Variants in CYB5RL observed in about 807,000 individuals in gnomAD.
The protein encoded by CYB5RL is NADH-cytochrome b5 reductase-like.
In CYB5RL, 38 loss-of-function variants were observed where a neutral mutation model predicts 37.5. The ratio of observed to expected loss-of-function variants is 1.01; its 90% CI spans 0.78 to 1.33. The LOEUF (loss-of-function observed/expected upper bound fraction) is 1.33. Ranked by LOEUF, CYB5RL falls within the 40% of genes most tolerant of loss-of-function variation. The pLI, the probability that CYB5RL is intolerant of heterozygous loss-of-function variation, is 0.00. For missense variants in CYB5RL, 388 were observed against 394.4 expected, an observed-to-expected ratio of 0.98 and a Z score of 0.14; for synonymous variants, 141 against 151.9, an observed-to-expected ratio of 0.93 and a Z score of 0.53.
At chr1:54,199,944 G>A (rs1644061114) in intron 1 of CYB5RL, 32 bp downstream of exon 1, 2 of 437,690 alleles carry the variant, frequency 4.6e-6, no homozygotes, top group Non-Finnish European at 8.2e-6. Context: ...CTGAAGTCCT[G>A]GAGCGATTCT....
intron 7 of CYB5RL, among the ~76,000 whole-genome samples, chr1:54,177,435 A>G (rs965586803): frequency 6.6e-6 from 1 of 152,126 alleles, no homozygotes; most frequent in East Asian, 1.9e-4. Context: ...ACTTTAACGG[A>G]AATGCCACCT....
rs1203260228 is a variant in CYB5RL at position 54,172,433 on chromosome 1, C to G, written c.*2186G>C. The G allele has an allele frequency of 6.6e-6, 1 of 151,262 alleles. No individual in the cohort carries two copies. The highest frequency in any genetic ancestry group is 6.6e-5 in the Admixed American group (1 of 15,140). The allele number at this position is 151,262 out of a possible 1,614,324, so 9.4% of individuals were successfully genotyped here. On this transcript the variant is annotated 3_prime_UTR_variant, in exon 8 of 8. Transcript: ENST00000534324. ...CAGGCAATCTGCCTGCCGCAGCCTC[C>G]CAAAGTGCTGGGATTACAGGCATGA... is the stretch of plus-strand genomic sequence containing the variant.
intron 6 of CYB5RL, chr1:54,180,114 G>A (rs1031961973): frequency 1.4e-5 from 6 of 428,332 alleles, no homozygotes; most frequent in Admixed American, 5.1e-5. Context: ...GTGCACGCCT[G>A]TAGTCCCAGC....
intron 5 of CYB5RL, chr1:54,184,901 A>G (rs1660251414): frequency 6.6e-6 from 1 of 152,236 alleles, no homozygotes; most frequent in Non-Finnish European, 1.5e-5. Context: ...ATCCTACACC[A>G]TCTCCTGGCT....
chr1:54,194,004 C>CAATAATAATAATAAT (rs71066906), intron 3 of CYB5RL, among the ~76,000 whole-genome samples: 3 of 146,716 alleles, frequency 2.0e-5, no homozygotes, highest in Admixed American at 1.4e-4. Flanking sequence ...GACTCTTCCT[C>CAATAATAATAATAAT]AATAATAATA....
At chr1:54,184,030 G>T in intron 6 of CYB5RL, 131 bp downstream of exon 6, 1 of 614,470 alleles carries the variant, frequency 1.6e-6, no homozygotes, top group Non-Finnish European at 2.8e-6. Context: ...CTTCTCCCAT[G>T]TCCAACCCCA....
Sources: allele counts gnomAD v4.1 joint callset (sites outside exome capture counted in the v4.1 genomes callset), GRCh38; gene constraint gnomAD v4.1.1; transcripts MANE v1.5; gene names NCBI Gene and HGNC (gene_info 2026-07-23, HGNC 2026-07-21).